The following APOO variants were observed in gnomAD, a reference collection of about 807,000 sequenced individuals.
APOO encodes MICOS complex subunit MIC26.
Under a neutral mutation model 23.1 loss-of-function variants are expected in APOO, and 11 were observed. The observed-to-expected ratio is 0.48, with a 90% confidence interval of 0.30 to 0.79. The LOEUF is 0.79. APOO is among the 30% of genes least tolerant of loss of function. The pLI is 0.07. For synonymous variants in APOO, 59 were observed against 54.8 expected (o/e 1.08, Z -0.34); for missense variants, 160 against 142.7 (o/e 1.12, Z -0.62).
At chrX:23,841,486 TAAAAAA>T (rs543879334) in intron 7 of APOO, among the ~76,000 whole-genome samples, 7 of 65,080 alleles carry the variant, frequency 1.1e-4, no homozygotes, top group African/African-American at 4.1e-4. Context: ...AAAAGAAGTT[TAAAAAA>T]AAAAAAAAAA....
intron 1 of APOO, among the ~76,000 whole-genome samples, chrX:23,892,935 C>CA (rs202223071): frequency 0.2 from 15,131 of 77,309 alleles, 1,135 homozygotes; most frequent in South Asian, 0.56. Context: ...GGGTTTTTTA[C>CA]AAAAAAAAAA....
At chrX:23,902,868 C>T (rs1257918160) in intron 1 of APOO, among the ~76,000 whole-genome samples, 3 of 111,163 alleles carry the variant, frequency 2.7e-5, no homozygotes, top group African/African-American at 9.8e-5. Context: ...TTACTCCATC[C>T]CCACTCTGCA....
chrX:23,846,792 C>T (rs1396008935), intron 7 of APOO, among the ~76,000 whole-genome samples: 1 of 110,820 alleles, frequency 9.0e-6, no homozygotes, highest in Non-Finnish European at 1.9e-5. Flanking sequence ...AATGGACAAT[C>T]AATAAATATT....
At chrX:23,875,121 G>A (rs932285770) in intron 3 of APOO, among the ~76,000 whole-genome samples, 18 of 109,378 alleles carry the variant, frequency 1.6e-4, no homozygotes, top group Non-Finnish European at 2.1e-4. Flanking sequence ...GTGGTGGCAC[G>A]CGCCTGTAGT....
intron 3 of APOO, among the ~76,000 whole-genome samples, chrX:23,876,807 AAAAC>A (rs1925878582): frequency 8.9e-6 from 1 of 112,438 alleles, no homozygotes; most frequent in African/African-American, 3.2e-5. Flanking sequence ...CAAAAAAAGA[AAAAC>A]AAAGAACAAA....
chrX:23,878,959 A>G lies in APOO; in HGVS notation c.193T>C (p.Ser65Pro). The G allele has an allele frequency of 8.3e-7, 1 of 1,211,614 alleles. No homozygotes were observed. The highest frequency in any genetic ancestry group is 1.8e-5 in the South Asian group (1 of 57,008). ...EARSQLEESI[S>P]QLRHYCEPYT... ...GGCTCGCAATAGTGTCGGAGCTGTGAGATGCTTTCTTCAAGCTGGCTCCTT... is the reference window on the plus strand; with the variant it reads ...GGCTCGCAATAGTGTCGGAGCTGTGGGATGCTTTCTTCAAGCTGGCTCCTT... Residue 65 changes from serine to proline, a missense_variant, in exon 3 of 9, where the codon TCA becomes CCA. Physicochemically the swap from Ser to Pro is moderately conservative, Grantham distance 74. Coordinates refer to ENST00000379226, the MANE Select transcript of APOO (RefSeq NM_024122.5).
chrX:23,851,986 C>T (rs372284670), intron 7 of APOO, among the ~76,000 whole-genome samples: 1 of 111,880 alleles, frequency 8.9e-6, no homozygotes, highest in Admixed American at 9.5e-5. Context: ...TGCAGTGGCA[C>T]GATCTCAGCT....
intron 1 of APOO, among the ~76,000 whole-genome samples, chrX:23,903,853 G>A (rs1475749051): frequency 2.7e-5 from 3 of 111,060 alleles, no homozygotes; most frequent in African/African-American, 9.8e-5. Flanking sequence ...TCCATCTCTC[G>A]GGTGGGAATA....
chrX:23,886,287 C>T (rs1019712638), intron 1 of APOO, among the ~76,000 whole-genome samples: 1 of 111,478 alleles, frequency 9.0e-6, no homozygotes, highest in African/African-American at 3.3e-5. Flanking sequence ...GAAACCAGAA[C>T]AATCACTACT....
chrX:23,848,761 C>G (rs1402383302), intron 7 of APOO, among the ~76,000 whole-genome samples: 1 of 106,492 alleles, frequency 9.4e-6, no homozygotes, highest in Non-Finnish European at 1.9e-5. Flanking sequence ...TCTTGGCTCA[C>G]TGCAACCTCT....
intron 1 of APOO, among the ~76,000 whole-genome samples, chrX:23,898,310 C>T (rs1344900862): frequency 9.1e-6 from 1 of 109,350 alleles, no homozygotes; most frequent in East Asian, 2.9e-4. Flanking sequence ...GCCATGTTGC[C>T]CAGGTTGGTC....
chrX:23,859,645 G>C (rs1268821115), intron 5 of APOO, among the ~76,000 whole-genome samples: 1 of 111,130 alleles, frequency 9.0e-6, no homozygotes, highest in Non-Finnish European at 1.9e-5. Flanking sequence ...GTTTCGCCAT[G>C]CTGGCCAGGC....
At chrX:23,884,658 G>C (rs953504858) in intron 1 of APOO, among the ~76,000 whole-genome samples, 7 of 111,675 alleles carry the variant, frequency 6.3e-5, no homozygotes, top group Non-Finnish European at 1.3e-4. Flanking sequence ...GAGTTGGGGA[G>C]ATATTGGTCA....
At chrX:23,840,634 T>C (rs1256390088) in intron 7 of APOO, 10 of 243,233 alleles carry the variant, frequency 4.1e-5, no homozygotes, top group Non-Finnish European at 5.7e-5. Context: ...AAGAAGTTAC[T>C]AGGGCTCTCT....
chrX:23,887,170 T>C (rs1277067676), intron 1 of APOO, among the ~76,000 whole-genome samples: 1 of 106,700 alleles, frequency 9.4e-6, no homozygotes, highest in Admixed American at 1.0e-4. Context: ...CATTATGATA[T>C]AATCGGACTG....
At chrX:23,858,619 A>G (rs368977913) in intron 6 of APOO, 23 bp downstream of exon 6, 5 of 1,179,848 alleles carry the variant, frequency 4.2e-6, no homozygotes, top group Non-Finnish European at 5.7e-6. Context: ...GAGGGACATC[A>G]TGGATTACAG....
chrX:23,893,536 G>T (rs1455172636), intron 1 of APOO, among the ~76,000 whole-genome samples: 1 of 111,780 alleles, frequency 8.9e-6, no homozygotes, highest in Non-Finnish European at 1.9e-5. Flanking sequence ...ATTCAGGACA[G>T]TATCTACATT....
At chrX:23,883,977 A>C (rs994294018) in intron 1 of APOO, 24 of 112,298 alleles carry the variant, frequency 2.1e-4, no homozygotes, top group African/African-American at 7.4e-4. Context: ...CAAGTATAGG[A>C]CATTATAGAC....
At position 23,892,411 on chromosome X, in the gene APOO, T is replaced by C. The variant is rs999741641; in HGVS notation, c.10-11459A>G. On this transcript the variant is annotated intron_variant, in intron 1 of 8. Transcript: ENST00000379226. ...CTGGCATTACAGGCGCCCGCTACCA[T>C]GCCCAGCTACTTTTTGGAATTTTAG... Among the ~76,000 whole-genome samples the C allele has an allele frequency of 4.2e-4, 46 of 109,755 alleles. 1 individual carries two copies.
Sources: gnomAD v4.1 joint callset for allele counts (sites outside exome capture counted in the v4.1 genomes callset) on GRCh38, gnomAD v4.1.1 for gene constraint, MANE v1.5 for transcripts, NCBI Gene and HGNC (gene_info 2026-07-23, HGNC 2026-07-21) for gene names.